PHLDB1: variants seen among roughly 807,000 people sequenced by gnomAD.
PHLDB1 encodes pleckstrin homology like domain family B member 1, also known as pleckstrin homology-like domain family B member 1.
A neutral mutation model predicts 139.3 loss-of-function variants in PHLDB1; 65 were observed. The observed-to-expected ratio is 0.47, with a 90% confidence interval of 0.38 to 0.57. The LOEUF is 0.57. Among genes scored for constraint, PHLDB1 ranks in the 20% least tolerant of loss-of-function variants. The pLI, the probability that PHLDB1 is intolerant of heterozygous loss-of-function variation, is 0.00. For missense variants in PHLDB1, 1,624 were observed against 1,839.7 expected (o/e 0.88, Z 2.14); for synonymous variants, 679 against 734.5 (o/e 0.92, Z 1.22).
At position 118,620,562 on chromosome 11, in the gene PHLDB1, A is replaced by G. The variant is rs1555093858; in HGVS notation, c.355+4351A>G. Among the ~76,000 whole-genome samples the G allele has an allele frequency of 4.0e-5, 6 of 151,866 alleles. No homozygotes were observed. Among genetic ancestry groups the G allele is most frequent in the Non-Finnish European group, 4.4e-5 (3 of 68,030 alleles). On this transcript the variant is annotated intron_variant, in intron 4 of 22. Coordinates refer to ENST00000600882, the MANE Select transcript of PHLDB1 (RefSeq NM_001144758.3). The surrounding 1 kb of genome is among the most constrained non-coding windows in gnomAD (Gnocchi z 4.1). Reference sequence around the variant, plus strand: ...ATCTCAGCCTGACTTTGCGGGCTCCAGATATCTGTTTCCCAAGTAGGATGG... The same window carrying G: ...ATCTCAGCCTGACTTTGCGGGCTCCGGATATCTGTTTCCCAAGTAGGATGG...
At chr11:118,619,302 C>T (rs1385780638) in intron 4 of PHLDB1, among the ~76,000 whole-genome samples, 1 of 152,200 alleles carries the variant, frequency 6.6e-6, no homozygotes, top group Non-Finnish European at 1.5e-5. Context: ...TTCCCTAAGC[C>T]TCTCACTGGT....
At chr11:118,630,001 C>T in intron 6 of PHLDB1, 2 of 1,286,602 alleles carry the variant, frequency 1.6e-6, no homozygotes, top group Non-Finnish European at 1.0e-6. Context: ...ACTGGCCCAG[C>T]CTCCCAGGTG....
intron 12 of PHLDB1, chr11:118,639,566 G>A: frequency 4.3e-6 from 2 of 461,142 alleles, no homozygotes; most frequent in Non-Finnish European, 7.9e-6. Flanking sequence ...GGCCGGGCTG[G>A]ATGGACTCAC....
At position 118,645,485 on chromosome 11, in the gene PHLDB1, C is replaced by G. The variant is rs782439340; in HGVS notation, c.3251C>G (p.Pro1084Arg). The G allele has an allele frequency of 6.2e-7, 1 of 1,611,986 alleles. No homozygotes were observed. Among genetic ancestry groups the G allele is most frequent in the Non-Finnish European group, 8.5e-7 (1 of 1,179,006 alleles). Residue 1084 changes from proline (P) to arginine (R), a missense_variant, in exon 16 of 23, where the codon CCC becomes CGC. Physicochemically the swap from Pro to Arg is moderately radical, Grantham distance 103. Transcript: ENST00000600882. The surrounding 1 kb of genome is among the most constrained non-coding windows in gnomAD (Gnocchi z 5.1). ...APFPAGPSGF[P>R]PLMHHSILHH... ...TTCCCAGCGGGCCCCTCGGGCTTCC[C>G]CCCTCTCATGCACCACTCTATCCTA... is the stretch of plus-strand genomic sequence containing the variant.
chr11:118,646,650 A>AG (rs1333845043), intron 17 of PHLDB1: 2 of 152,294 alleles, frequency 1.3e-5, no homozygotes, highest in African/African-American at 4.8e-5. Context: ...TTCAGCAAAG[A>AG]GGGACCCATG....
chr11:118,615,943 A>C, intron 3 of PHLDB1, 98 bp from the exon 4 acceptor site: 1 of 973,350 alleles, frequency 1.0e-6, no homozygotes, highest in Non-Finnish European at 1.6e-6. Flanking sequence ...TCCCTGGAGT[A>C]GGAGGTGGAA....
At chr11:118,622,017 ATGAG>A (rs1942917852) in intron 4 of PHLDB1, among the ~76,000 whole-genome samples, 1 of 152,062 alleles carries the variant, frequency 6.6e-6, no homozygotes, top group Non-Finnish European at 1.5e-5. Context: ...TTGTGTTACT[ATGAG>A]TGTGTATGAG....
Position 118,624,995 on chromosome 11 carries a change from G to T in PHLDB1, c.417G>T (p.Lys139Asn), listed in dbSNP as rs782482481. 6.2e-7 allele frequency: 1 copy of T among 1,614,078 alleles called. No individual in the cohort carries two copies. The highest frequency in any genetic ancestry group is 8.5e-7 in the Non-Finnish European group (1 of 1,179,948). The part of the protein sequence containing the change: ...FLRFNHPAEA[K>N]WMKSMIPAGG... ...GCTTTAACCACCCGGCTGAAGCCAA[G>T]TGGATGAAAAGCATGATTCCAGCAG... is the stretch of plus-strand genomic sequence containing the variant. Residue 139 changes from lysine (K) to asparagine (N), a missense_variant, in exon 5 of 23, where the codon AAG (lysine) becomes AAT (asparagine). Transcript: ENST00000600882.
chr11:118,622,211 G>C (rs1942964098), intron 4 of PHLDB1, among the ~76,000 whole-genome samples: 1 of 152,216 alleles, frequency 6.6e-6, no homozygotes, highest in East Asian at 1.9e-4. Context: ...GATGGGCAGG[G>C]ATTCCTGGGC....
chr11:118,615,415 T>G (rs910363325), intron 3 of PHLDB1, among the ~76,000 whole-genome samples: 1 of 152,078 alleles, frequency 6.6e-6, no homozygotes, highest in Non-Finnish European at 1.5e-5. Context: ...CACAGCCCCC[T>G]TCACCTTTCA....
At position 118,657,582 on chromosome 11, in the gene PHLDB1, C is replaced by G. The variant is rs553821325; in HGVS notation, c.*759C>G. ...CCTGATGCACAGGCTGCCAGCCCCCCAGTCCAGCCCTCTCCCTTCCACTGG... is the reference window on the plus strand; with the variant it reads ...CCTGATGCACAGGCTGCCAGCCCCCGAGTCCAGCCCTCTCCCTTCCACTGG... On this transcript the variant is annotated 3_prime_UTR_variant, in exon 23 of 23. Coordinates refer to ENST00000600882, the MANE Select transcript of PHLDB1 (RefSeq NM_001144758.3). The G allele has an allele frequency of 9.8e-5, 15 of 153,168 alleles. No homozygotes were observed. Among genetic ancestry groups the G allele is most frequent in the Non-Finnish European group, 1.2e-4 (8 of 68,364 alleles). 9.5% of individuals were successfully genotyped at this position (153,168 alleles called of 1,614,324 possible).
chr11:118,631,494 T>G lies in PHLDB1; in HGVS notation c.2100+15T>G. 1 of 1,408,490 alleles carries G rather than the reference T, an allele frequency of 7.1e-7. No homozygotes were observed. The highest frequency in any genetic ancestry group is 9.2e-7 in the Non-Finnish European group (1 of 1,084,168). 87.2% of individuals were successfully genotyped at this position (1,408,490 alleles called of 1,614,324 possible). The stretch of plus-strand genomic sequence containing the variant: ...CCCAGCAGGAGGTGAGATGGAGGGG[T>G]AGGCAAGACAAAGAGGCTGAAGTTG... On this transcript the variant is annotated intron_variant, in intron 7 of 22. Transcript: ENST00000600882.
At chr11:118,653,595 A>C (rs1948631648) in intron 20 of PHLDB1, 1 of 152,212 alleles carries the variant, frequency 6.6e-6, no homozygotes, top group Admixed American at 6.5e-5. Context: ...CCATGCCTTT[A>C]GTAGCTATTT....
chr11:118,648,379 C>T (rs139337218), intron 18 of PHLDB1, among the ~76,000 whole-genome samples: 164 of 150,220 alleles, frequency 1.1e-3, no homozygotes, highest in African/African-American at 3.5e-3. Context: ...TGCAGACATC[C>T]GGGGTCAGAG....
At chr11:118,616,448 A>G (rs369971588) in intron 4 of PHLDB1, among the ~76,000 whole-genome samples, 2 of 152,126 alleles carry the variant, frequency 1.3e-5, no homozygotes, top group East Asian at 3.9e-4. Context: ...TCCACATACT[A>G]TGGGGAGAGA....
Position 118,627,934 on chromosome 11 carries a change from G to T in PHLDB1, c.1111G>T (p.Ala371Ser). The stretch of plus-strand genomic sequence containing the variant: ...CCTGAGTGAATACCCAGCTTCTGGT[G>T]CTCTCAGTCAACCCACCAGCATTCC... Reference protein sequence around the residue: ...ISLSEYPASGALSQPTSIPGS... With the variant: ...ISLSEYPASGSLSQPTSIPGS... Residue 371 changes from alanine to serine, a missense_variant, in exon 6 of 23, where the codon GCT becomes TCT. Coordinates refer to ENST00000600882, the MANE Select transcript of PHLDB1 (RefSeq NM_001144758.3). 1 of 1,613,070 alleles carries T rather than the reference G, an allele frequency of 6.2e-7. No individual in the cohort carries two copies. Among genetic ancestry groups the T allele is most frequent in the Non-Finnish European group, 8.5e-7 (1 of 1,180,006 alleles).
intron 4 of PHLDB1, 128 bp from the exon 5 acceptor site, chr11:118,624,806 C>T (rs554632842): frequency 1.1e-6 from 1 of 874,182 alleles, no homozygotes; most frequent in Non-Finnish European, 1.8e-6. Context: ...GACGGGACTT[C>T]ACCACATTGG....
chr11:118,624,466 CTG>C (rs1943448283), intron 4 of PHLDB1: 1 of 180,802 alleles, frequency 5.5e-6, no homozygotes, highest in Non-Finnish European at 1.2e-5. Context: ...CAGGTGTGGA[CTG>C]TGTGGACTCT....
Position 118,650,725 on chromosome 11 carries a change from T to G in PHLDB1, c.3874+178T>G. On this transcript the variant is annotated intron_variant, in intron 20 of 22. Coordinates refer to ENST00000600882, the MANE Select transcript of PHLDB1 (RefSeq NM_001144758.3). This position sits in a 1 kb window ranked among gnomAD's most constrained non-coding sequence, Gnocchi z 4.7. ...TGTACCTGGTTCACCTCCATTTTTG[T>G]GTTCATTCATTCATTCCTTCATTCA... 1 of 600,684 alleles carries G rather than the reference T, an allele frequency of 1.7e-6. No homozygotes were observed. 37.2% of individuals were successfully genotyped at this position (600,684 alleles called of 1,614,324 possible).
Sources: allele counts gnomAD v4.1 joint callset (sites outside exome capture counted in the v4.1 genomes callset), GRCh38; gene constraint gnomAD v4.1.1; non-coding constraint Gnocchi (gnomAD v3.1); transcripts MANE v1.5; gene names NCBI Gene and HGNC (gene_info 2026-07-23, HGNC 2026-07-21).